The following FBXO16 variants were observed in gnomAD, a reference collection of about 807,000 sequenced individuals.
FBXO16 encodes the protein F-box protein 16, also known as F-box only protein 16.
In FBXO16, 31 loss-of-function variants were observed where a neutral mutation model predicts 41.0. The ratio of observed to expected loss-of-function variants is 0.76; its 90% confidence interval spans 0.57 to 1.02. The LOEUF is 1.02. Among genes scored for constraint, FBXO16 ranks in the 50% least tolerant of loss-of-function variants. The pLI, the probability that FBXO16 is intolerant of heterozygous loss-of-function variation, is 0.00. For missense variants in FBXO16, 361 were observed against 346.2 expected (o/e 1.04, Z -0.34); for synonymous variants, 133 against 117.8 (o/e 1.13, Z -0.84).
At chr8:28,449,397 T>C (rs767523164) in intron 6 of FBXO16, among the ~76,000 whole-genome samples, 15 of 149,660 alleles carry the variant, frequency 1.0e-4, no homozygotes, top group Non-Finnish European at 1.8e-4. Context: ...CCATGGCTCA[T>C]TGCAGCCTCC....
chr8:28,461,630 G>A (rs896273403), intron 4 of FBXO16, among the ~76,000 whole-genome samples: 1 of 149,932 alleles, frequency 6.7e-6, no homozygotes, highest in African/African-American at 2.5e-5. Flanking sequence ...GCATGCAATC[G>A]ATTTTTTTCC....
At chr8:28,469,330 T>G (rs569629509) in intron 3 of FBXO16, among the ~76,000 whole-genome samples, 19 of 148,612 alleles carry the variant, frequency 1.3e-4, no homozygotes, top group African/African-American at 4.8e-4. Context: ...AAAAAAAAAA[T>G]TGTTTTCAGA....
At chr8:28,477,841 C>T (rs66571995) in intron 2 of FBXO16, among the ~76,000 whole-genome samples, 30,550 of 151,904 alleles carry the variant, frequency 0.2, 4,024 homozygotes, top group East Asian at 0.52. Context: ...CAGGCCTTTT[C>T]TCTAATAAAA....
chr8:28,460,225 G>GTATATATATATATATATATATATA (rs771679568), intron 4 of FBXO16, among the ~76,000 whole-genome samples: 4 of 75,220 alleles, frequency 5.3e-5, no homozygotes, highest in African/African-American at 7.0e-5. Flanking sequence ...ATATGTGTGT[G>GTATATATATATATATATATATATA]TATATATATA....
chr8:28,428,606 C>G lies in FBXO16; in HGVS notation c.*121G>C, dbSNP rs761570880. Reference sequence around the variant, plus strand: ...AACCTGGATGAGTCATGCTTGGGGCCCAGGGTGCCTGTGAGGATGCTGCAT... The same window carrying G: ...AACCTGGATGAGTCATGCTTGGGGCGCAGGGTGCCTGTGAGGATGCTGCAT... On this transcript the variant is annotated 3_prime_UTR_variant, in exon 9 of 9. Transcript: ENST00000380254. The G allele has an allele frequency of 7.1e-6, 11 of 1,551,316 alleles. No homozygotes were observed. In the Admixed American group the frequency reaches 1.8e-4, roughly 25 times the overall value.
At chr8:28,472,508 G>T (rs1008798819) in intron 3 of FBXO16, among the ~76,000 whole-genome samples, 2 of 152,070 alleles carry the variant, frequency 1.3e-5, no homozygotes, top group South Asian at 2.1e-4. Context: ...GTCAAGGGGG[G>T]GCGGGGTGGA....
chr8:28,440,909 A>G (rs1345508971), intron 7 of FBXO16, among the ~76,000 whole-genome samples: 1 of 152,070 alleles, frequency 6.6e-6, no homozygotes, highest in Non-Finnish European at 1.5e-5. Flanking sequence ...AAAGGAAAAA[A>G]CAAAGAAAAG....
intron 2 of FBXO16, among the ~76,000 whole-genome samples, chr8:28,480,950 G>T (rs923586572): frequency 6.6e-6 from 1 of 152,190 alleles, no homozygotes; most frequent in Non-Finnish European, 1.5e-5. Context: ...AGCAGGACAC[G>T]GGGAGGCTTC....
At chr8:28,463,476 ATTTGTGTGTG>A in intron 4 of FBXO16, 126 bp downstream of exon 4, 1 of 813,540 alleles carries the variant, frequency 1.2e-6, no homozygotes, top group South Asian at 1.8e-5. Flanking sequence ...CTAAGTGTAC[ATTTGTGTGTG>A]TTTGTGTGTA....
At chr8:28,465,671 T>C (rs1585911137) in intron 3 of FBXO16, among the ~76,000 whole-genome samples, 2 of 149,732 alleles carry the variant, frequency 1.3e-5, no homozygotes, top group South Asian at 4.3e-4. Flanking sequence ...GAACAAAAAG[T>C]GGATTGATTG....
rs1056456824 is a variant in FBXO16, at chr8:28,486,862, T to G, written c.-17+3324A>C. 3.9e-5 allele frequency among the ~76,000 whole-genome samples: 6 copies of G among 152,066 alleles called. No homozygotes were observed. In the East Asian group the frequency reaches 7.7e-4, roughly 20 times the overall value. ...TTAAAAAATAATAAAAACATAAAAA[T>G]TAAATTCGTTGTTCTGAATCCTTTC... On this transcript the variant is annotated intron_variant, in intron 1 of 8. Transcript: ENST00000380254.
chr8:28,463,196 GTGTA>G (rs1411969065), intron 4 of FBXO16, among the ~76,000 whole-genome samples: 7 of 151,042 alleles, frequency 4.6e-5, no homozygotes, highest in East Asian at 3.9e-4. Flanking sequence ...GTGTATGTTT[GTGTA>G]TGTGTTTGTG....
chr8:28,462,160 G>A (rs1803144683), intron 4 of FBXO16, among the ~76,000 whole-genome samples: 1 of 151,696 alleles, frequency 6.6e-6, no homozygotes, highest in African/African-American at 2.4e-5. Flanking sequence ...GGCTAGTCTT[G>A]AACCCCTAGG....
chr8:28,460,253 T>A (rs1288908655), intron 4 of FBXO16, among the ~76,000 whole-genome samples: 123 of 117,254 alleles, frequency 1.0e-3, no homozygotes, highest in South Asian at 1.4e-3. Context: ...ATATTTTTTT[T>A]TTTTTTTTTT....
At chr8:28,429,826 C>T (rs985686399) in intron 7 of FBXO16, among the ~76,000 whole-genome samples, 2 of 152,218 alleles carry the variant, frequency 1.3e-5, no homozygotes, top group African/African-American at 4.8e-5. Context: ...AAGCTCCACA[C>T]CTGCCTGAAG....
intron 2 of FBXO16, among the ~76,000 whole-genome samples, chr8:28,481,826 AAG>A (rs1554528853): frequency 1.3e-5 from 2 of 151,426 alleles, no homozygotes. Context: ...AAAAAAAAAA[AAG>A]AATGCAAGGC....
intron 1 of FBXO16, among the ~76,000 whole-genome samples, chr8:28,486,706 G>A (rs1005344214): frequency 6.6e-6 from 1 of 151,938 alleles, no homozygotes; most frequent in African/African-American, 2.4e-5. Context: ...GTGCACGCCT[G>A]TGGTCCCAGC....
intron 7 of FBXO16, among the ~76,000 whole-genome samples, chr8:28,432,705 C>T (rs1180968866): frequency 1.3e-5 from 2 of 152,156 alleles, no homozygotes; most frequent in Admixed American, 6.5e-5. Flanking sequence ...GGTAGGTGGA[C>T]GTTGCCAATG....
chr8:28,465,180 CAA>C (rs1347531314), intron 3 of FBXO16: 1 of 159,554 alleles, frequency 6.3e-6, no homozygotes, highest in Non-Finnish European at 1.4e-5. Flanking sequence ...TGTTAAAAAA[CAA>C]AATGTCAACA....
Sources: allele counts gnomAD v4.1 joint callset (sites outside exome capture counted in the v4.1 genomes callset), GRCh38; gene constraint gnomAD v4.1.1; transcripts MANE v1.5; gene names NCBI Gene and HGNC (gene_info 2026-07-23, HGNC 2026-07-21).